Variants in PCDH15 observed in about 807,000 individuals in gnomAD.
PCDH15 encodes the protein protocadherin related 15, also known as protocadherin-15.
PCDH15 carries 129 observed loss-of-function variants against 178.5 expected under a neutral mutation model. The observed-to-expected ratio is 0.72, with a 90% CI of 0.63 to 0.84. PCDH15 has a LOEUF of 0.84. Among genes scored for constraint, PCDH15 ranks in the 40% least tolerant of loss-of-function variants. The pLI is 0.00. For missense variants in PCDH15, 2,230 were observed against 2,099.9 expected (o/e 1.06, Z -1.21); for synonymous variants, 800 against 732.0 (o/e 1.09, Z -1.50).
At chr10:54,677,830 A>T (rs2094819595) in intron 1 of PCDH15, among the ~76,000 whole-genome samples, 1 of 152,234 alleles carries the variant, frequency 6.6e-6, no homozygotes, top group South Asian at 2.1e-4. Context: ...AATAGTTTAA[A>T]GCCTTGGGCT....
At chr10:54,696,390 A>G (rs2095224316) in intron 1 of PCDH15, among the ~76,000 whole-genome samples, 2 of 152,122 alleles carry the variant, frequency 1.3e-5, no homozygotes, top group South Asian at 4.1e-4. Context: ...ATGAATACAA[A>G]AAAAGTGGTT....
At chr10:54,334,411 C>A (rs1940576987) in intron 6 of PCDH15, among the ~76,000 whole-genome samples, 1 of 152,104 alleles carries the variant, frequency 6.6e-6, no homozygotes, top group South Asian at 2.1e-4. Flanking sequence ...CCCCCAGAAT[C>A]CCCTTTACTA....
In PCDH15 at chr10:54,752,513, C is replaced by CAAAAA. The variant is rs1566128338; in HGVS notation, c.-29+48411_-29+48412insTTTTT. Among the ~76,000 whole-genome samples the CAAAAA allele has an allele frequency of 3.3e-4, 18 of 54,674 alleles. 1 individual carries two copies. The highest frequency in any genetic ancestry group is 1.1e-3 in the African/African-American group (14 of 13,010). 35.9% of individuals were successfully genotyped at this position (54,674 alleles called of 152,430 possible). A position where few individuals can be genotyped will look rare whatever the true frequency, so the allele number is the denominator to read the frequency against. On this transcript the variant is annotated intron_variant, in intron 1 of 37. Coordinates refer to ENST00000644397, the MANE Select transcript of PCDH15 (RefSeq NM_001384140.1). ...AAAACAAAAAACAAAAAACAAAAAA[C>CAAAAA]AAACAAACAAACAAACAAAAAAAAA...
rs1476148484 is a variant in PCDH15, at chr10:54,104,813, G to A, written c.1918-14750C>T. On this transcript the variant is annotated intron_variant, in intron 15 of 37. Transcript: ENST00000644397. ...GATCGCGCCACTGCACTCCAGCCTG[G>A]CTGAGAGAGTGAGACTCTGCCTCAA... Among the ~76,000 whole-genome samples the A allele has an allele frequency of 1.4e-4, 19 of 134,942 alleles. No individual in the cohort carries two copies. In the Admixed American group the frequency reaches 1.6e-3, roughly 11 times the overall value. 88.5% of individuals were successfully genotyped at this position (134,942 alleles called of 152,430 possible).
intron 2 of PCDH15, among the ~76,000 whole-genome samples, chr10:55,384,065 A>G (rs1837597882): frequency 6.6e-6 from 1 of 152,202 alleles, no homozygotes; most frequent in African/African-American, 2.4e-5. Context: ...GTAATAAAAC[A>G]TTAAATAATG....
At chr10:54,401,857 T>C (rs1951974183) in intron 3 of PCDH15, among the ~76,000 whole-genome samples, 1 of 151,786 alleles carries the variant, frequency 6.6e-6, no homozygotes, top group African/African-American at 2.4e-5. Context: ...AAACAAACTA[T>C]TACAAAAAAT....
At chr10:53,827,252 T>TAACA in intron 32 of PCDH15, 141 bp downstream of exon 32, 1 of 1,249,318 alleles carries the variant, frequency 8.0e-7, no homozygotes, top group Non-Finnish European at 1.0e-6. Flanking sequence ...ATTTTCGTCT[T>TAACA]AACAAATTTT....
At chr10:54,358,711 T>G (rs1418965347) in intron 5 of PCDH15, among the ~76,000 whole-genome samples, 1 of 152,042 alleles carries the variant, frequency 6.6e-6, no homozygotes, top group South Asian at 2.1e-4. Flanking sequence ...CACATGCACA[T>G]GTATGTTTAC....
At chr10:54,879,610 T>C (rs905697867) in intron 3 of PCDH15, among the ~76,000 whole-genome samples, 10 of 151,618 alleles carry the variant, frequency 6.6e-5, no homozygotes, top group African/African-American at 2.2e-4. Context: ...AAAATGATAA[T>C]AAAAATCTTT....
chr10:55,153,356 C>G (rs564177375), intron 2 of PCDH15, among the ~76,000 whole-genome samples: 1 of 152,114 alleles, frequency 6.6e-6, no homozygotes, highest in African/African-American at 2.4e-5. Flanking sequence ...CACCTTGACA[C>G]GGGCTGCATC....
At chr10:54,681,688 G>C (rs1722246426) in intron 1 of PCDH15, among the ~76,000 whole-genome samples, 1 of 151,974 alleles carries the variant, frequency 6.6e-6, no homozygotes, top group African/African-American at 2.4e-5. Flanking sequence ...CATATAATTT[G>C]TTAGTGTTTT....
intron 2 of PCDH15, among the ~76,000 whole-genome samples, chr10:55,098,777 T>C (rs1842504314): frequency 6.6e-6 from 1 of 152,038 alleles, no homozygotes; most frequent in South Asian, 2.1e-4. Flanking sequence ...TGGTATAATT[T>C]GCGGTGGGCT....
At chr10:54,153,368 AAAG>A in intron 13 of PCDH15, 75 bp from the exon 14 acceptor site, 10 of 1,503,616 alleles carry the variant, frequency 6.7e-6, no homozygotes, top group Non-Finnish European at 7.4e-6. Flanking sequence ...TCCCCCAACA[AAAG>A]AAGCTTGCTT....
At chr10:55,533,310 T>C (rs139568373) in intron 2 of PCDH15, among the ~76,000 whole-genome samples, 71 of 152,198 alleles carry the variant, frequency 4.7e-4, no homozygotes, top group African/African-American at 1.5e-3. Context: ...ACTGATGACA[T>C]TATTGCATAT....
At chr10:55,111,866 A>C (rs1837516177) in intron 2 of PCDH15, among the ~76,000 whole-genome samples, 2 of 152,164 alleles carry the variant, frequency 1.3e-5, no homozygotes, top group Admixed American at 1.3e-4. Flanking sequence ...AAAAAACAAT[A>C]AAAAATAAAA....
At chr10:55,533,887 T>C (rs1841512540) in intron 2 of PCDH15, among the ~76,000 whole-genome samples, 1 of 152,084 alleles carries the variant, frequency 6.6e-6, no homozygotes, top group South Asian at 2.1e-4. Flanking sequence ...AACAGATACA[T>C]AGACCAGTGG....
chr10:53,834,884 G>C (rs1463860146), intron 29 of PCDH15, among the ~76,000 whole-genome samples: 1 of 152,160 alleles, frequency 6.6e-6, no homozygotes, highest in African/African-American at 2.4e-5. Flanking sequence ...GTAGAAATAA[G>C]TAAAGGGTGA....
chr10:54,413,273 C>T (rs1021593908), intron 3 of PCDH15, among the ~76,000 whole-genome samples: 1 of 152,134 alleles, frequency 6.6e-6, no homozygotes, highest in Non-Finnish European at 1.5e-5. Context: ...TCTATTACAG[C>T]TCTTTGTGAT....
At chr10:54,256,216 G>A (rs949656945) in intron 8 of PCDH15, among the ~76,000 whole-genome samples, 1 of 151,990 alleles carries the variant, frequency 6.6e-6, no homozygotes, top group African/African-American at 2.4e-5. Context: ...TGGAGAAGAT[G>A]GTCAGCTAGG....
Sources: gnomAD v4.1 joint callset for allele counts (sites outside exome capture counted in the v4.1 genomes callset) on GRCh38, gnomAD v4.1.1 for gene constraint, MANE v1.5 for transcripts, NCBI Gene and HGNC (gene_info 2026-07-23, HGNC 2026-07-21) for gene names.